CNTNAP2: variants seen among roughly 807,000 people sequenced by gnomAD.
CNTNAP2 encodes the protein contactin-associated protein-like 2.
Under a neutral mutation model 155.2 loss-of-function variants are expected in CNTNAP2, and 98 were observed. The observed-to-expected ratio is 0.63, with a 90% CI of 0.54 to 0.75. CNTNAP2 has a LOEUF of 0.75. Among genes scored for constraint, CNTNAP2 ranks in the 30% least tolerant of loss-of-function variants. The probability of loss-of-function intolerance (pLI) is 0.00; values close to 1 mark genes in which losing one functional copy is unlikely to be tolerated. For synonymous variants in CNTNAP2, 651 were observed against 631.2 expected (o/e 1.03, Z -0.47); for missense variants, 1,727 against 1,688.1 (o/e 1.02, Z -0.40).
intron 13 of CNTNAP2, among the ~76,000 whole-genome samples, chr7:147,726,330 G>A (rs1266327041): frequency 6.6e-6 from 1 of 152,000 alleles, no homozygotes; most frequent in African/African-American, 2.4e-5. Flanking sequence ...CCCAGGTTGT[G>A]GGGATGATAA....
At chr7:148,130,787 A>G (rs1453574870) in intron 16 of CNTNAP2, among the ~76,000 whole-genome samples, 2 of 152,180 alleles carry the variant, frequency 1.3e-5, no homozygotes. Flanking sequence ...CCTTCATTGA[A>G]ATCCTGCCCA....
At chr7:147,384,200 A>G (rs1167811902) in intron 9 of CNTNAP2, among the ~76,000 whole-genome samples, 3 of 152,220 alleles carry the variant, frequency 2.0e-5, no homozygotes, top group East Asian at 3.9e-4. Flanking sequence ...GAAAACTAGC[A>G]AAGTAGCCAC....
At chr7:147,377,703 A>C (rs1180323039) in intron 9 of CNTNAP2, among the ~76,000 whole-genome samples, 2 of 151,860 alleles carry the variant, frequency 1.3e-5, no homozygotes, top group Non-Finnish European at 2.9e-5. Context: ...GTCTATGTTG[A>C]AAGTTTAGTT....
chr7:147,406,554 G>A (rs1380233156), intron 10 of CNTNAP2, among the ~76,000 whole-genome samples: 1 of 152,160 alleles, frequency 6.6e-6, no homozygotes, highest in East Asian at 1.9e-4. Context: ...AACAAGCTTA[G>A]TTTTTCAGAT....
intron 1 of CNTNAP2, among the ~76,000 whole-genome samples, chr7:146,202,675 T>G (rs901061876): frequency 5.9e-5 from 9 of 152,044 alleles, no homozygotes; most frequent in African/African-American, 1.2e-4. Context: ...AGATACACTG[T>G]TATGTAGCTA....
At chr7:147,642,705 C>T (rs1465566937) in intron 13 of CNTNAP2, among the ~76,000 whole-genome samples, 1 of 152,150 alleles carries the variant, frequency 6.6e-6, no homozygotes, top group Non-Finnish European at 1.5e-5. Flanking sequence ...AACTTTTAAT[C>T]TGAACAGTAA....
rs1020869334 is a variant in CNTNAP2 at position 147,768,322 on chromosome 7, T to C, written c.2098+129016T>C. ...AGAGTTCAGATCCTAAAATGAAAAT[T>C]TGTAAATCGGGAGGAAGTGTATGGC... On this transcript the variant is annotated intron_variant, in intron 13 of 23. Coordinates refer to ENST00000361727, the MANE Select transcript of CNTNAP2 (RefSeq NM_014141.6). Among the ~76,000 whole-genome samples the C allele has an allele frequency of 3.9e-5, 6 of 152,086 alleles. No homozygotes were observed. In the East Asian group the frequency reaches 7.7e-4, roughly 20 times the overall value.
At chr7:147,827,316 T>C (rs1019855124) in intron 13 of CNTNAP2, among the ~76,000 whole-genome samples, 3 of 152,182 alleles carry the variant, frequency 2.0e-5, no homozygotes, top group Non-Finnish European at 4.4e-5. Context: ...TGTCAAGCAC[T>C]CTGTGGCTTC....
At chr7:146,493,430 T>C (rs2129131665) in intron 1 of CNTNAP2, among the ~76,000 whole-genome samples, 1 of 152,262 alleles carries the variant, frequency 6.6e-6, no homozygotes, top group Non-Finnish European at 1.5e-5. Flanking sequence ...GAAAACAAAA[T>C]TTGATAGATT....
At chr7:147,379,012 T>C (rs1796488827) in intron 9 of CNTNAP2, among the ~76,000 whole-genome samples, 1 of 151,934 alleles carries the variant, frequency 6.6e-6, no homozygotes, top group Non-Finnish European at 1.5e-5. Context: ...AGTGAGTGAG[T>C]TCTCACGACA....
intron 11 of CNTNAP2, among the ~76,000 whole-genome samples, chr7:147,494,164 C>G (rs955688369): frequency 2.0e-5 from 3 of 152,082 alleles, no homozygotes; most frequent in African/African-American, 7.2e-5. Flanking sequence ...GGCACCTACA[C>G]AGAAAATAAG....
intron 3 of CNTNAP2, among the ~76,000 whole-genome samples, chr7:146,893,216 C>CCTAGTCA (rs753277956): frequency 1.8e-4 from 28 of 151,972 alleles, no homozygotes; most frequent in South Asian, 6.2e-4. Context: ...TTCATTTTTT[C>CCTAGTCA]CTAGTCACGA....
At chr7:147,315,304 CAG>C (rs1795205295) in intron 9 of CNTNAP2, among the ~76,000 whole-genome samples, 1 of 150,564 alleles carries the variant, frequency 6.6e-6, no homozygotes, top group Admixed American at 6.6e-5. Flanking sequence ...CGAATATTCA[CAG>C]AGTCTTGTAA....
At chr7:147,533,928 A>G (rs1487336019) in intron 11 of CNTNAP2, among the ~76,000 whole-genome samples, 7 of 152,244 alleles carry the variant, frequency 4.6e-5, no homozygotes. Context: ...CATTCTTAAC[A>G]TCCTTTACAG....
intron 1 of CNTNAP2, among the ~76,000 whole-genome samples, chr7:146,761,191 T>C (rs1297792966): frequency 6.6e-6 from 1 of 152,030 alleles, no homozygotes; most frequent in Non-Finnish European, 1.5e-5. Context: ...AACCCTTACG[T>C]CCACCCTAAT....
Position 147,867,447 on chromosome 7 carries a change from A to G in CNTNAP2, c.2099-36118A>G, listed in dbSNP as rs187824585. On this transcript the variant is annotated intron_variant, in intron 13 of 23. Coordinates refer to ENST00000361727, the MANE Select transcript of CNTNAP2 (RefSeq NM_014141.6). ...TACCTTGGAGTGGCTCTTCTTGAGG[A>G]GTATCTTTGTGATGTTCTCTGTATT... is the stretch of plus-strand genomic sequence containing the variant. Among the ~76,000 whole-genome samples the G allele has an allele frequency of 3.2e-4, 49 of 152,000 alleles. 1 individual carries two copies. The highest frequency in any genetic ancestry group is 1.0e-3 in the African/African-American group (42 of 41,438).
intron 1 of CNTNAP2, among the ~76,000 whole-genome samples, chr7:146,171,699 A>C (rs1798393106): frequency 6.6e-6 from 1 of 152,176 alleles, no homozygotes. Context: ...GTAAAAGAAA[A>C]GATGTGTTTT....
At chr7:146,995,375 G>A (rs10232060) in intron 3 of CNTNAP2, among the ~76,000 whole-genome samples, 34,961 of 151,768 alleles carry the variant, frequency 0.23, 4,460 homozygotes, top group Non-Finnish European at 0.27. Context: ...TAGATCATGC[G>A]GTAGTTCAAT....
chr7:146,829,761 G>A (rs550927933), intron 2 of CNTNAP2, among the ~76,000 whole-genome samples: 1 of 152,110 alleles, frequency 6.6e-6, no homozygotes, highest in South Asian at 2.1e-4. Context: ...CTGTTATAAA[G>A]CTTAACCGTC....
Sources: allele counts gnomAD v4.1 joint callset (sites outside exome capture counted in the v4.1 genomes callset), GRCh38; gene constraint gnomAD v4.1.1; transcripts MANE v1.5; gene names NCBI Gene and HGNC (gene_info 2026-07-23, HGNC 2026-07-21).